Variants in AGAP1 observed in about 807,000 individuals in gnomAD.
AGAP1 encodes the protein arf-GAP with GTPase, ANK repeat and PH domain-containing protein 1.
Under a neutral mutation model 105.3 loss-of-function variants are expected in AGAP1, and 29 were observed. The ratio of observed to expected loss-of-function variants is 0.28; its 90% CI spans 0.21 to 0.38. AGAP1 has a LOEUF of 0.38. Among genes scored for constraint, AGAP1 ranks in the 10% least tolerant of loss-of-function variants. AGAP1 has a pLI of 1.00. For synonymous variants in AGAP1, 509 were observed against 485.9 expected (o/e 1.05, Z -0.63); for missense variants, 998 against 1,165.1 (o/e 0.86, Z 2.09).
chr2:236,065,074 T>C (rs1165300089), intron 16 of AGAP1, among the ~76,000 whole-genome samples: 2 of 152,170 alleles, frequency 1.3e-5, no homozygotes, highest in Admixed American at 1.3e-4. Flanking sequence ...CTGATACTGC[T>C]GGAGAGGTGA....
chr2:236,075,363 C>G (rs751299660), intron 16 of AGAP1, among the ~76,000 whole-genome samples: 1 of 152,026 alleles, frequency 6.6e-6, no homozygotes, highest in African/African-American at 2.4e-5. Flanking sequence ...TTGGTACTGC[C>G]CATCCCCACC....
chr2:236,071,203 A>G (rs1013472143), intron 16 of AGAP1, among the ~76,000 whole-genome samples: 1 of 152,176 alleles, frequency 6.6e-6, no homozygotes, highest in Non-Finnish European at 1.5e-5. Flanking sequence ...TTTTTAGAAA[A>G]TCAAAGAAGC....
At chr2:235,776,462 T>C (rs1224147459) in intron 6 of AGAP1, among the ~76,000 whole-genome samples, 3 of 152,220 alleles carry the variant, frequency 2.0e-5, no homozygotes, top group African/African-American at 7.2e-5. Flanking sequence ...TAGGATTCTT[T>C]CCTGTTCGAA....
chr2:235,739,043 G>T lies in AGAP1; in HGVS notation c.311-1920G>T, dbSNP rs1952423184. Among the ~76,000 whole-genome samples the T allele has an allele frequency of 6.6e-6, 1 of 152,158 alleles. No individual in the cohort carries two copies. The highest frequency in any genetic ancestry group is 2.1e-4 in the South Asian group (1 of 4,822). ...CGACTTTTATTAAAGCAGGTTAAAA[G>T]AACCTTGGCAGAAATTTCAAATAAG... On this transcript the variant is annotated intron_variant, in intron 3 of 17. Coordinates refer to ENST00000304032, the MANE Select transcript of AGAP1 (RefSeq NM_001037131.3). This position sits in a 1 kb window ranked among gnomAD's most constrained non-coding sequence, Gnocchi z 5.3.
intron 1 of AGAP1, among the ~76,000 whole-genome samples, chr2:235,568,203 A>C (rs10208267): frequency 1.3e-5 from 2 of 152,052 alleles, no homozygotes; most frequent in Non-Finnish European, 1.5e-5. Context: ...CGAGGCCCAC[A>C]TGGAGGTCAT....
chr2:235,827,387 A>G (rs1270167845), intron 9 of AGAP1, among the ~76,000 whole-genome samples: 2 of 152,118 alleles, frequency 1.3e-5, no homozygotes, highest in Admixed American at 6.5e-5. Flanking sequence ...AGCAGGAGGT[A>G]AGGGGGCTGC....
chr2:235,783,050 GTC>G (rs1491354312), intron 6 of AGAP1, among the ~76,000 whole-genome samples: 936 of 83,054 alleles, frequency 0.011, 4 homozygotes, highest in African/African-American at 0.026. Context: ...GTGTGTGTGT[GTC>G]TAGGTTGCAG....
chr2:235,564,127 G>C (rs534498671), intron 1 of AGAP1, among the ~76,000 whole-genome samples: 1 of 152,166 alleles, frequency 6.6e-6, no homozygotes, highest in East Asian at 1.9e-4. Flanking sequence ...TTTTTCTTTA[G>C]TCCACACAAC....
rs1439473773 is a variant in AGAP1 at position 236,127,240 on chromosome 2, G to A, written c.*3118G>A. On this transcript the variant is annotated 3_prime_UTR_variant, in exon 18 of 18. Transcript: ENST00000304032. The surrounding 1 kb of genome is among the most constrained non-coding windows in gnomAD (Gnocchi z 6.6). ...CGCAGGGACAGTACTCTGTGATTCTGACCTCAGGTGCTGGGACGGGCAGAT... is the reference window on the plus strand; with the variant it reads ...CGCAGGGACAGTACTCTGTGATTCTAACCTCAGGTGCTGGGACGGGCAGAT... 6.6e-6 allele frequency: 1 copy of A among 152,176 alleles called. No individual in the cohort carries two copies. The highest frequency in any genetic ancestry group is 1.5e-5 in the Non-Finnish European group (1 of 68,054). The allele number at this position is 152,176 out of a possible 1,614,324, so 9.4% of individuals were successfully genotyped here. A position where few individuals can be genotyped will look rare whatever the true frequency, so the allele number is the denominator to read the frequency against.
In AGAP1 at chr2:235,517,258, G is replaced by A. The variant is rs866976398; in HGVS notation, c.163+22409G>A. On this transcript the variant is annotated intron_variant, in intron 1 of 17. Coordinates refer to ENST00000304032, the MANE Select transcript of AGAP1 (RefSeq NM_001037131.3). The surrounding 1 kb of genome is among the most constrained non-coding windows in gnomAD (Gnocchi z 4.1). ...CTTAAGCTGCCATATTACCATGATTGCCTCCTTAAAGACCTTATCTCCAGC... is the reference window on the plus strand; with the variant it reads ...CTTAAGCTGCCATATTACCATGATTACCTCCTTAAAGACCTTATCTCCAGC... Among the ~76,000 whole-genome samples, 2 of 152,126 alleles carry A rather than the reference G, an allele frequency of 1.3e-5. No homozygotes were observed. The highest frequency in any genetic ancestry group is 4.8e-5 in the African/African-American group (2 of 41,412).
intron 12 of AGAP1, 42 bp from the exon 13 acceptor site, chr2:235,968,420 G>A: frequency 7.1e-7 from 1 of 1,409,872 alleles, no homozygotes; most frequent in Non-Finnish European, 9.7e-7. Flanking sequence ...TGCTCACTCT[G>A]CATTTTTTTT....
chr2:235,775,520 G>A (rs147574262), intron 6 of AGAP1: 2 of 152,210 alleles, frequency 1.3e-5, no homozygotes, highest in African/African-American at 4.8e-5. Flanking sequence ...AAAAATAAAT[G>A]TACTTTGCTC....
intron 16 of AGAP1, among the ~76,000 whole-genome samples, chr2:236,085,217 A>G (rs1193309105): frequency 5.1e-5 from 7 of 138,448 alleles, no homozygotes; most frequent in African/African-American, 1.8e-4. Flanking sequence ...CTCCGTCTCA[A>G]AAAAAAAAAA....
intron 1 of AGAP1, among the ~76,000 whole-genome samples, chr2:235,515,058 A>G (rs991008244): frequency 1.3e-5 from 2 of 152,112 alleles, no homozygotes; most frequent in African/African-American, 4.8e-5. Flanking sequence ...AAGTCCTTAA[A>G]TTTAGGTAAT....
intron 12 of AGAP1, among the ~76,000 whole-genome samples, chr2:235,947,015 T>G (rs2125243893): frequency 6.6e-6 from 1 of 152,352 alleles, no homozygotes; most frequent in Admixed American, 6.5e-5. Flanking sequence ...TCCTTTCCTT[T>G]TTTAAAAATT....
chr2:235,771,355 G>A (rs1290080204), intron 6 of AGAP1, among the ~76,000 whole-genome samples: 4 of 152,168 alleles, frequency 2.6e-5, no homozygotes, highest in Non-Finnish European at 4.4e-5. Flanking sequence ...TGCACCTGAG[G>A]AGCCTTGGGG....
rs1476549636 is a variant in AGAP1 at position 235,573,045 on chromosome 2, CTT to C, written c.163+78197_163+78198del. 6.7e-4 allele frequency among the ~76,000 whole-genome samples: 12 copies of C among 17,884 alleles called. 3 individuals carry two copies. Among genetic ancestry groups the C allele is most frequent in the African/African-American group, 6.4e-3 (11 of 1,728 alleles). 11.7% of individuals were successfully genotyped at this position (17,884 alleles called of 152,430 possible). On this transcript the variant is annotated intron_variant, in intron 1 of 17. Transcript: ENST00000304032. The stretch of plus-strand genomic sequence containing the variant: ...TCTTCTTCTTCTTCTTCTTCTTCTT[CTT>C]CTTCTTCTTCTTCTTTCTTCTTTCT...
Position 236,038,815 on chromosome 2 carries a change from T to TTG in AGAP1, c.1801-1934_1801-1933dup, listed in dbSNP as rs751193768. Among the ~76,000 whole-genome samples the TTG allele has an allele frequency of 0.014, 1,815 of 128,622 alleles. 33 individuals are homozygous for TTG. Among genetic ancestry groups the TTG allele is most frequent in the African/African-American group, 0.06 (1,683 of 28,218 alleles). 84.4% of individuals were successfully genotyped at this position (128,622 alleles called of 152,430 possible). ...CACAGAGAGACAGAGGCACATCCCT[T>TTG]TGTATGTGTGTGTGTGTGTGTGTGT... On this transcript the variant is annotated intron_variant, in intron 14 of 17. Coordinates refer to ENST00000304032, the MANE Select transcript of AGAP1 (RefSeq NM_001037131.3). This position sits in a 1 kb window ranked among gnomAD's most constrained non-coding sequence, Gnocchi z 4.5.
rs914193147 is a variant in AGAP1, at chr2:235,623,370, G to A, written c.164-85809G>A. Among the ~76,000 whole-genome samples, 3 of 152,184 alleles carry A rather than the reference G, an allele frequency of 2.0e-5. No homozygotes were observed. Among genetic ancestry groups the A allele is most frequent in the Admixed American group, 1.3e-4 (2 of 15,278 alleles). Reference sequence around the variant, plus strand: ...TGTAAATATCGGCAAACCATGTTTTGGGGATGGAAAATTAGTTAATTTGGA... The same window carrying A: ...TGTAAATATCGGCAAACCATGTTTTAGGGATGGAAAATTAGTTAATTTGGA... On this transcript the variant is annotated intron_variant, in intron 1 of 17. Coordinates refer to ENST00000304032, the MANE Select transcript of AGAP1 (RefSeq NM_001037131.3). The surrounding 1 kb of genome is among the most constrained non-coding windows in gnomAD (Gnocchi z 4.5).
Sources: gnomAD v4.1 joint callset for allele counts (sites outside exome capture counted in the v4.1 genomes callset) on GRCh38, gnomAD v4.1.1 for gene constraint, Gnocchi (gnomAD v3.1) non-coding constraint, MANE v1.5 for transcripts, NCBI Gene and HGNC (gene_info 2026-07-23, HGNC 2026-07-21) for gene names.